The following SLC12A8 variants were observed in gnomAD, a reference collection of about 807,000 sequenced individuals.
SLC12A8 encodes the protein cation-chloride cotransporter 9.
SLC12A8 carries 69 observed loss-of-function variants against 75.6 expected under a neutral mutation model. The ratio of observed to expected loss-of-function variants is 0.91; its 90% CI spans 0.75 to 1.11. SLC12A8 has a LOEUF of 1.11. Ranked by LOEUF, SLC12A8 falls within the 50% of genes most tolerant of loss-of-function variation. The pLI, the probability that SLC12A8 is intolerant of heterozygous loss-of-function variation, is 0.00. For synonymous variants in SLC12A8, 365 were observed against 372.8 expected (o/e 0.98, Z 0.24); for missense variants, 877 against 896.7 (o/e 0.98, Z 0.28).
chr3:125,124,413 G>A (rs1933144343), intron 6 of SLC12A8, among the ~76,000 whole-genome samples: 2 of 152,004 alleles, frequency 1.3e-5, no homozygotes, highest in African/African-American at 4.8e-5. Context: ...TGCAACCTCC[G>A]CCTCCTGGGT....
chr3:125,185,465 C>T (rs955889715), intron 4 of SLC12A8, among the ~76,000 whole-genome samples: 1 of 151,468 alleles, frequency 6.6e-6, no homozygotes, highest in Non-Finnish European at 1.5e-5. Flanking sequence ...TAAAGAGATT[C>T]CATTAGTAAC....
intron 5 of SLC12A8, among the ~76,000 whole-genome samples, chr3:125,176,105 C>T (rs1224833509): frequency 6.6e-6 from 1 of 152,180 alleles, no homozygotes; most frequent in East Asian, 1.9e-4. Context: ...TGTGTAGGTG[C>T]ACATCCGGGC....
Position 125,091,456 on chromosome 3 carries a change from C to CT in SLC12A8, c.1903dup (p.Ser635LysfsTer44). On this transcript the variant is annotated frameshift_variant, in exon 12 of 14. Coordinates refer to ENST00000469902, the MANE Select transcript of SLC12A8 (RefSeq NM_024628.6). LOFTEE classifies it high-confidence loss of function. ...CTGCTTACCAAGGTGAAGCCCTGGA[C>CT]TGGCCCGGCCAATGTAGAAATACAC... The CT allele has an allele frequency of 6.2e-7, 1 of 1,613,528 alleles. No individual in the cohort carries two copies. The highest frequency in any genetic ancestry group is 8.5e-7 in the Non-Finnish European group (1 of 1,179,552).
At chr3:125,198,960 A>G (rs1215290444) in intron 2 of SLC12A8, among the ~76,000 whole-genome samples, 1 of 151,768 alleles carries the variant, frequency 6.6e-6, no homozygotes, top group Non-Finnish European at 1.5e-5. Flanking sequence ...TTGAATTTTT[A>G]GTAGAGATGG....
At chr3:125,131,806 T>C (rs1277295048) in intron 6 of SLC12A8, among the ~76,000 whole-genome samples, 3 of 152,124 alleles carry the variant, frequency 2.0e-5, no homozygotes, top group African/African-American at 7.2e-5. Context: ...AGTGTCCCCA[T>C]ATTTGACAGA....
At position 125,100,735 on chromosome 3, in the gene SLC12A8, C is replaced by T. The variant is rs188687131; in HGVS notation, c.1705+6746G>A. Among the ~76,000 whole-genome samples, 413 of 147,044 alleles carry T rather than the reference C, an allele frequency of 2.8e-3. 8 individuals carry two copies. The highest frequency in any genetic ancestry group is 0.025 in the Admixed American group (374 of 14,800). On this transcript the variant is annotated intron_variant, in intron 10 of 13. Transcript: ENST00000469902. ...ATGCTATCTTAAAGATGATTTAGGC[C>T]GGGCGCGGTGGCTCACGCCTGTAAT...
At chr3:125,112,599 C>T (rs1383546983) in intron 8 of SLC12A8, among the ~76,000 whole-genome samples, 1 of 152,176 alleles carries the variant, frequency 6.6e-6, no homozygotes, top group Non-Finnish European at 1.5e-5. Context: ...CCCTAGGTGC[C>T]TTACAAAACT....
At chr3:125,208,787 C>CAGAG (rs1560087661) in intron 2 of SLC12A8, among the ~76,000 whole-genome samples, 1 of 106,298 alleles carries the variant, frequency 9.4e-6, no homozygotes, top group Admixed American at 9.8e-5. Context: ...CACACACACA[C>CAGAG]ACACAGAGAG....
intron 7 of SLC12A8, chr3:125,119,750 T>G (rs1579484027): frequency 2.4e-6 from 1 of 415,982 alleles, no homozygotes; most frequent in East Asian, 7.3e-5. Flanking sequence ...AAATTCAGTG[T>G]TTGTGAAACA....
chr3:125,197,265 A>C (rs816339), intron 2 of SLC12A8, among the ~76,000 whole-genome samples: 135,162 of 152,140 alleles, frequency 0.89, 60,478 homozygotes, highest in Non-Finnish European at 0.95. Flanking sequence ...TAAGAATCTG[A>C]GTCCATACAG....
At chr3:125,110,133 G>A in intron 9 of SLC12A8, 56 bp downstream of exon 9, 1 of 1,553,266 alleles carries the variant, frequency 6.4e-7, no homozygotes, top group Admixed American at 1.8e-5. Flanking sequence ...GGCCAACAGT[G>A]AGGTTAGCAG....
chr3:125,174,932 C>G (rs1417760521), intron 5 of SLC12A8, among the ~76,000 whole-genome samples: 1 of 152,140 alleles, frequency 6.6e-6, no homozygotes, highest in Non-Finnish European at 1.5e-5. Flanking sequence ...ATGTATAATA[C>G]TGAGTGAACC....
At chr3:125,120,920 TC>T in intron 6 of SLC12A8, 1 of 688,956 alleles carries the variant, frequency 1.5e-6, no homozygotes. Flanking sequence ...AGGAAAGCCC[TC>T]CCAGCTCCAA....
chr3:125,180,199 G>A (rs896923935), intron 4 of SLC12A8, among the ~76,000 whole-genome samples: 20 of 152,274 alleles, frequency 1.3e-4, no homozygotes, highest in Admixed American at 1.1e-3. Flanking sequence ...GGTAGGGGGT[G>A]GGGGAAGCTC....
chr3:125,138,936 T>G (rs1179789333), intron 5 of SLC12A8, among the ~76,000 whole-genome samples: 1 of 151,394 alleles, frequency 6.6e-6, no homozygotes, highest in Non-Finnish European at 1.5e-5. Flanking sequence ...GGTGGAAGAA[T>G]CACTTGAGCC....
chr3:125,165,981 T>A (rs904548777), intron 5 of SLC12A8, among the ~76,000 whole-genome samples: 7 of 152,210 alleles, frequency 4.6e-5, no homozygotes, highest in East Asian at 1.9e-4. Flanking sequence ...AAGGTTTTTT[T>A]AAAAATATAT....
At chr3:125,195,238 C>A (rs1934985639) in intron 2 of SLC12A8, among the ~76,000 whole-genome samples, 1 of 152,246 alleles carries the variant, frequency 6.6e-6, no homozygotes, top group African/African-American at 2.4e-5. Flanking sequence ...CCTTGCTCTA[C>A]AGCTCAGCCC....
rs769800533 is a variant in SLC12A8, at chr3:125,084,012, A to G, written c.2023T>C (p.Ser675Pro). ...SPQEQIILAP[S>P]LAKVDMEMTQ... ...ATCTCCATGTCAACCTTAGCCAGGG[A>G]CGGCGCCAAGATGATCTGCTCCTGA... The change falls in exon 14 of 14, where the codon TCC becomes CCC. Residue 675 changes from serine (S) to proline (P), a missense_variant. By Grantham distance (74) the Ser-to-Pro change is moderately conservative. Transcript: ENST00000469902. 1 of 1,613,112 alleles carries G rather than the reference A, an allele frequency of 6.2e-7. No homozygotes were observed. Among genetic ancestry groups the G allele is most frequent in the Non-Finnish European group, 8.5e-7 (1 of 1,179,694 alleles).
At chr3:125,139,472 T>C (rs1933573789) in intron 5 of SLC12A8, among the ~76,000 whole-genome samples, 1 of 152,140 alleles carries the variant, frequency 6.6e-6, no homozygotes, top group South Asian at 2.1e-4. Flanking sequence ...CAGGCCCTCA[T>C]GACTTGCACC....
Sources: gnomAD v4.1 joint callset for allele counts (sites outside exome capture counted in the v4.1 genomes callset) on GRCh38, gnomAD v4.1.1 for gene constraint, MANE v1.5 for transcripts, NCBI Gene and HGNC (gene_info 2026-07-23, HGNC 2026-07-21) for gene names.